RASGRF1: variants seen among roughly 807,000 people sequenced by gnomAD.
The protein encoded by RASGRF1 is ras-specific guanine nucleotide-releasing factor 1.
In RASGRF1, 40 loss-of-function variants were observed where a neutral mutation model predicts 138.7. The observed-to-expected ratio is 0.29, with a 90% confidence interval of 0.22 to 0.38. RASGRF1 has a LOEUF of 0.38. Among genes scored for constraint, RASGRF1 ranks in the 10% least tolerant of loss-of-function variants. The probability of loss-of-function intolerance (pLI) is 1.00; values close to 1 mark genes in which losing one functional copy is unlikely to be tolerated. For missense variants in RASGRF1, 1,108 were observed against 1,650.4 expected, an observed-to-expected ratio of 0.67 and a Z score of 5.69; for synonymous variants, 614 against 663.2, an observed-to-expected ratio of 0.93 and a Z score of 1.14.
rs1161115972 is a variant in RASGRF1 at position 79,024,036 on chromosome 15, T to TACAA, written c.1542+1274_1542+1277dup. On this transcript the variant is annotated intron_variant, in intron 10 of 26. Transcript: ENST00000558480. ...TACACACATCACACACACACACACA[T>TACAA]ACAAACACACACACACACATACACA... 2.8e-5 allele frequency among the ~76,000 whole-genome samples: 3 copies of TACAA among 106,840 alleles called. No individual in the cohort carries two copies. The South Asian group carries it at 8.5e-4, about 30-fold the overall frequency. 70.1% of individuals were successfully genotyped at this position (106,840 alleles called of 152,430 possible).
In RASGRF1 at chr15:78,999,755, A is replaced by T; in HGVS notation, c.2734T>A (p.Leu912Ile). Residue 912 changes from leucine (L) to isoleucine (I), a missense_variant, in exon 17 of 27, where the codon TTA (leucine) becomes ATA (isoleucine). Coordinates refer to ENST00000558480, the MANE Select transcript of RASGRF1 (RefSeq NM_001145648.3). ...ACACCCCACATACCTGCACTGGCTA[A>T]GGACATCCTCCGGTACTTCTCCTTG... ...PNKEKYRRMS[L>I]ASAGFPPDQR... 1 of 1,613,842 alleles carries T rather than the reference A, an allele frequency of 6.2e-7. No homozygotes were observed. Among genetic ancestry groups the T allele is most frequent in the Non-Finnish European group, 8.5e-7 (1 of 1,179,942 alleles).
At chr15:79,068,719 C>G (rs1488502166) in intron 1 of RASGRF1, among the ~76,000 whole-genome samples, 1 of 152,022 alleles carries the variant, frequency 6.6e-6, no homozygotes, top group Non-Finnish European at 1.5e-5. Flanking sequence ...TTTCCCTGCA[C>G]TTCTGGATAG....
intron 1 of RASGRF1, among the ~76,000 whole-genome samples, chr15:79,078,883 C>A (rs974723597): frequency 1.3e-5 from 2 of 152,264 alleles, no homozygotes; most frequent in African/African-American, 4.8e-5. Context: ...AAGAGGCCTG[C>A]GGCCAGAGAC....
In RASGRF1 at chr15:79,006,208, GCTT is replaced by G; in HGVS notation, c.2050_2052del (p.Lys684del). ...CACCTGGCAGGAATGGCACTGATAG[GCTT>G]CTTGTAGATGGTAATGAGCTTGTCC... On this transcript the variant is annotated inframe_deletion, in exon 14 of 27. Coordinates refer to ENST00000558480, the MANE Select transcript of RASGRF1 (RefSeq NM_001145648.3). The surrounding 1 kb of genome is among the most constrained non-coding windows in gnomAD (Gnocchi z 4.0). 6.2e-7 allele frequency: 1 copy of G among 1,614,216 alleles called. No homozygotes were observed. The highest frequency in any genetic ancestry group is 8.5e-7 in the Non-Finnish European group (1 of 1,180,036).
chr15:78,971,481 G>A (rs1316876452), intron 26 of RASGRF1, among the ~76,000 whole-genome samples: 3 of 152,344 alleles, frequency 2.0e-5, no homozygotes, highest in African/African-American at 7.2e-5. Flanking sequence ...GAAACGGGCG[G>A]AAATGTTGCC....
At chr15:79,049,610 G>C in intron 3 of RASGRF1, 22 bp from the exon 4 acceptor site, 3 of 1,600,532 alleles carry the variant, frequency 1.9e-6, no homozygotes, top group Non-Finnish European at 2.6e-6. Context: ...ACACAGGTCA[G>C]CCTGTGAGGG....
At chr15:79,045,649 T>C (rs1192439074) in intron 5 of RASGRF1, among the ~76,000 whole-genome samples, 5 of 152,202 alleles carry the variant, frequency 3.3e-5, no homozygotes, top group Non-Finnish European at 7.3e-5. Flanking sequence ...CCCACCCCAG[T>C]GACTTTCAGT....
At chr15:79,014,652 CACCTG>C (rs2056849755) in intron 13 of RASGRF1, among the ~76,000 whole-genome samples, 2 of 152,250 alleles carry the variant, frequency 1.3e-5, no homozygotes, top group South Asian at 4.2e-4. Context: ...CGGTGGCTCA[CACCTG>C]TAATCCCAGC....
In RASGRF1 at chr15:78,973,811, C is replaced by T. The variant is rs1787773925; in HGVS notation, c.3495-391G>A. On this transcript the variant is annotated intron_variant, in intron 24 of 26. Transcript: ENST00000558480. The surrounding 1 kb of genome is among the most constrained non-coding windows in gnomAD (Gnocchi z 4.9). ...TCCCTGAGACTCTCCCATCCGGATC[C>T]TCCCCCGAATCACCTCCTGGAGGGC... 6.6e-6 allele frequency among the ~76,000 whole-genome samples: 1 copy of T among 152,166 alleles called. No homozygotes were observed. Among genetic ancestry groups the T allele is most frequent in the South Asian group, 2.1e-4 (1 of 4,826 alleles).
chr15:78,992,494 A>G (rs1054343213), intron 20 of RASGRF1, among the ~76,000 whole-genome samples: 8 of 152,216 alleles, frequency 5.3e-5, no homozygotes, highest in African/African-American at 1.7e-4. Flanking sequence ...AGGCCAGTGT[A>G]TTGGGCACAA....
intron 26 of RASGRF1, among the ~76,000 whole-genome samples, chr15:78,970,342 G>A (rs2055727074): frequency 6.6e-6 from 1 of 152,148 alleles, no homozygotes; most frequent in Admixed American, 6.6e-5. Context: ...CCAATATGGT[G>A]AAACTCCGTC....
At chr15:78,977,792 G>A (rs1052634577) in intron 24 of RASGRF1, among the ~76,000 whole-genome samples, 9 of 152,212 alleles carry the variant, frequency 5.9e-5, no homozygotes, top group African/African-American at 2.2e-4. Context: ...AACACAAAAG[G>A]TGCAGATATG....
In RASGRF1 at chr15:79,006,043, G is replaced by A. The variant is rs934695037; in HGVS notation, c.2075+143C>T. ...GTTCCTGGGGAGAGGGGGCAGTGGC[G>A]GTGTGTGTCCCGCAGCACCCCAACA... On this transcript the variant is annotated intron_variant, in intron 14 of 26. Transcript: ENST00000558480. This position sits in a 1 kb window ranked among gnomAD's most constrained non-coding sequence, Gnocchi z 4.0. The A allele has an allele frequency of 2.1e-5, 26 of 1,218,746 alleles. No homozygotes were observed. Among genetic ancestry groups the A allele is most frequent in the African/African-American group, 4.5e-5 (3 of 66,752 alleles). The allele number at this position is 1,218,746 out of a possible 1,614,324, so 75.5% of individuals were successfully genotyped here.
intron 1 of RASGRF1, among the ~76,000 whole-genome samples, chr15:79,078,841 A>T (rs956029637): frequency 4.6e-5 from 7 of 152,250 alleles, no homozygotes; most frequent in African/African-American, 1.7e-4. Flanking sequence ...GGCCTAAGAC[A>T]TACGTCACTC....
intron 22 of RASGRF1, 121 bp downstream of exon 22, chr15:78,990,068 G>T: frequency 1.2e-6 from 1 of 831,418 alleles, no homozygotes; most frequent in Non-Finnish European, 2.1e-6. Context: ...AGGGGTGGCA[G>T]GGCTGGAGAG....
chr15:78,990,949 G>A (rs1231562876), intron 21 of RASGRF1, among the ~76,000 whole-genome samples: 1 of 152,242 alleles, frequency 6.6e-6, no homozygotes, highest in African/African-American at 2.4e-5. Context: ...GCTGGGGAGG[G>A]CTGCGAGAGT....
intron 24 of RASGRF1, 187 bp downstream of exon 24, chr15:78,980,433 G>C (rs1178907098): frequency 2.2e-6 from 1 of 458,596 alleles, no homozygotes; most frequent in East Asian, 3.1e-5. Context: ...AGCAAACTCT[G>C]GAGTTTCTCT....
chr15:79,049,659 G>A, intron 3 of RASGRF1, 71 bp from the exon 4 acceptor site: 1 of 1,384,668 alleles, frequency 7.2e-7, no homozygotes, highest in Non-Finnish European at 1.0e-6. Flanking sequence ...TGGCCGGTGG[G>A]TGGCAGGAAC....
chr15:79,019,963 C>T (rs2056935811), intron 11 of RASGRF1, 78 bp downstream of exon 11: 3 of 1,555,160 alleles, frequency 1.9e-6, no homozygotes, highest in Admixed American at 1.7e-5. Context: ...GAAACTAATG[C>T]CTGGCCCAAC....
Sources: allele counts gnomAD v4.1 joint callset (sites outside exome capture counted in the v4.1 genomes callset), GRCh38; gene constraint gnomAD v4.1.1; non-coding constraint Gnocchi (gnomAD v3.1); transcripts MANE v1.5; gene names NCBI Gene and HGNC (gene_info 2026-07-23, HGNC 2026-07-21).